Variants in PCDH15 observed in about 807,000 individuals in gnomAD.
PCDH15 encodes the protein protocadherin-15.
PCDH15 carries 129 observed loss-of-function variants against 178.5 expected under a neutral mutation model. That is an observed-to-expected ratio of 0.72 (90% confidence interval 0.63 to 0.84). PCDH15 has a LOEUF of 0.84. Among genes scored for constraint, PCDH15 ranks in the 40% least tolerant of loss-of-function variants. The pLI, the probability that PCDH15 is intolerant of heterozygous loss-of-function variation, is 0.00. For synonymous variants in PCDH15, 800 were observed against 732.0 expected (o/e 1.09, Z -1.50); for missense variants, 2,230 against 2,099.9 (o/e 1.06, Z -1.21).
intron 2 of PCDH15, chr10:55,600,060 G>A (rs781603539): frequency 1.9e-5 from 18 of 925,852 alleles, no homozygotes; most frequent in Non-Finnish European, 2.4e-5. Context: ...TATCATCCCT[G>A]CATTAAAAAT....
intron 2 of PCDH15, among the ~76,000 whole-genome samples, chr10:55,573,595 T>C (rs1315180086): frequency 6.6e-6 from 1 of 152,132 alleles, no homozygotes; most frequent in Non-Finnish European, 1.5e-5. Flanking sequence ...AATAATCAAA[T>C]GTAAAAGTCT....
chr10:54,093,872 C>G (rs1409943130), intron 15 of PCDH15, among the ~76,000 whole-genome samples: 1 of 152,058 alleles, frequency 6.6e-6, no homozygotes, highest in African/African-American at 2.4e-5. Flanking sequence ...AAAATGGGAG[C>G]ATAGTGTTAT....
At chr10:54,545,055 G>A (rs9787725) in intron 2 of PCDH15, among the ~76,000 whole-genome samples, 40,991 of 151,882 alleles carry the variant, frequency 0.27, 6,696 homozygotes, top group East Asian at 0.74. Context: ...TTGACACTAA[G>A]GGAAAGCCCC....
At chr10:54,231,596 TTGCAATG>T (rs1210906312) in intron 9 of PCDH15, among the ~76,000 whole-genome samples, 1 of 152,154 alleles carries the variant, frequency 6.6e-6, no homozygotes, top group Non-Finnish European at 1.5e-5. Flanking sequence ...CACTGACAGC[TTGCAATG>T]TGCACCTGGA....
At chr10:55,318,502 A>G (rs958443575) in intron 1 of PCDH15, among the ~76,000 whole-genome samples, 1 of 152,186 alleles carries the variant, frequency 6.6e-6, no homozygotes, top group Admixed American at 6.5e-5. Context: ...CAATGGATAA[A>G]TCAGACTAGA....
At chr10:53,967,846 C>A (rs1038126884) in intron 21 of PCDH15, among the ~76,000 whole-genome samples, 1 of 151,966 alleles carries the variant, frequency 6.6e-6, no homozygotes, top group Non-Finnish European at 1.5e-5. Flanking sequence ...TTTTTTGGAC[C>A]ATGAATAATG....
At chr10:53,908,892 A>T (rs1442700854) in intron 25 of PCDH15, among the ~76,000 whole-genome samples, 3 of 152,198 alleles carry the variant, frequency 2.0e-5, no homozygotes, top group Non-Finnish European at 4.4e-5. Flanking sequence ...GTATCAGGAG[A>T]TTGAAGTCAG....
intron 11 of PCDH15, among the ~76,000 whole-genome samples, chr10:54,188,699 T>G (rs1414461677): frequency 6.6e-6 from 1 of 151,802 alleles, no homozygotes; most frequent in Non-Finnish European, 1.5e-5. Context: ...TAAACAAGCA[T>G]TCTATCATAT....
chr10:55,365,999 G>C (rs1253289428), intron 2 of PCDH15: 1 of 152,056 alleles, frequency 6.6e-6, no homozygotes, highest in Non-Finnish European at 1.5e-5. Flanking sequence ...ATAGCTCTAG[G>C]ATTTATCCTG....
At position 54,171,264 on chromosome 10, in the gene PCDH15, G is replaced by T. The variant is rs980399429; in HGVS notation, c.1590+12180C>A. On this transcript the variant is annotated intron_variant, in intron 13 of 37. Transcript: ENST00000644397. The stretch of plus-strand genomic sequence containing the variant: ...CGGTCCTCCGTCTTCAAGAAAAGTA[G>T]AATGGACTAAAGGTCTTTTAAAAAT... 2.0e-5 allele frequency among the ~76,000 whole-genome samples: 3 copies of T among 152,118 alleles called. No individual in the cohort carries two copies. In the South Asian group the frequency reaches 6.2e-4, roughly 32 times the overall value.
intron 2 of PCDH15, among the ~76,000 whole-genome samples, chr10:54,945,563 A>G (rs1670829): frequency 0.19 from 29,007 of 151,586 alleles, 3,233 homozygotes; most frequent in African/African-American, 0.3. Context: ...GAGCATATAA[A>G]TATATAATTT....
At chr10:53,866,524 AATAATT>A (rs2079464599) in intron 27 of PCDH15, 112 bp downstream of exon 27, 1 of 714,252 alleles carries the variant, frequency 1.4e-6, no homozygotes, top group South Asian at 1.5e-5. Context: ...GAGTGAAAAT[AATAATT>A]ATGTTTTTGA....
chr10:54,842,038 C>T (rs1953427987), intron 3 of PCDH15, among the ~76,000 whole-genome samples: 1 of 151,796 alleles, frequency 6.6e-6, no homozygotes, highest in Non-Finnish European at 1.5e-5. Context: ...TAAATCACAT[C>T]ATAGGAAATA....
intron 3 of PCDH15, among the ~76,000 whole-genome samples, chr10:54,844,017 A>G (rs1342337333): frequency 6.6e-6 from 1 of 152,068 alleles, no homozygotes; most frequent in African/African-American, 2.4e-5. Flanking sequence ...GCATGGCTGA[A>G]ATAACTTTTC....
At chr10:55,312,068 T>G (rs987220788) in intron 1 of PCDH15, among the ~76,000 whole-genome samples, 1 of 152,162 alleles carries the variant, frequency 6.6e-6, no homozygotes, top group Non-Finnish European at 1.5e-5. Context: ...TCATCTGCTG[T>G]GAGTCACTGT....
chr10:55,545,807 TA>T (rs773629265), intron 2 of PCDH15, among the ~76,000 whole-genome samples: 29 of 152,132 alleles, frequency 1.9e-4, no homozygotes, highest in Non-Finnish European at 3.8e-4. Context: ...CTTTTAAAAA[TA>T]TTTTTTTTTC....
intron 2 of PCDH15, among the ~76,000 whole-genome samples, chr10:55,027,667 T>G (rs1179839561): frequency 6.6e-6 from 1 of 151,832 alleles, no homozygotes; most frequent in Non-Finnish European, 1.5e-5. Flanking sequence ...TATGCATAGA[T>G]CATAGTTCAT....
chr10:54,610,562 A>G (rs1310483161), intron 2 of PCDH15, among the ~76,000 whole-genome samples: 1 of 151,896 alleles, frequency 6.6e-6, no homozygotes, highest in Non-Finnish European at 1.5e-5. Context: ...TCCTTCCGTA[A>G]TATCTGAGGC....
At chr10:54,067,354 GA>G (rs2094155746) in intron 17 of PCDH15, among the ~76,000 whole-genome samples, 2 of 152,118 alleles carry the variant, frequency 1.3e-5, no homozygotes, top group Non-Finnish European at 2.9e-5. Context: ...TCATGCTATC[GA>G]AAAATGCTAC....
Sources: gnomAD v4.1 joint callset for allele counts (sites outside exome capture counted in the v4.1 genomes callset) on GRCh38, gnomAD v4.1.1 for gene constraint, MANE v1.5 for transcripts, NCBI Gene and HGNC (gene_info 2026-07-23, HGNC 2026-07-21) for gene names.